Variants in SPIDR observed in about 807,000 individuals in gnomAD.
SPIDR encodes DNA repair-scaffolding protein.
Under a neutral mutation model 104.6 loss-of-function variants are expected in SPIDR, and 93 were observed. That is an observed-to-expected ratio of 0.89 (90% CI 0.75 to 1.06). The LOEUF is 1.06. Among genes scored for constraint, SPIDR ranks in the 50% least tolerant of loss-of-function variants. The probability of loss-of-function intolerance (pLI) is 0.00; values close to 1 mark genes in which losing one functional copy is unlikely to be tolerated. For missense variants in SPIDR, 1,154 were observed against 1,111.2 expected (o/e 1.04, Z -0.55); for synonymous variants, 431 against 416.9 (o/e 1.03, Z -0.41).
chr8:47,678,120 C>A (rs2076666901), intron 11 of SPIDR, among the ~76,000 whole-genome samples: 1 of 152,032 alleles, frequency 6.6e-6, no homozygotes, highest in African/African-American at 2.4e-5. Context: ...ATGCTCCCAG[C>A]TAGTTGCCAT....
chr8:47,483,727 G>A (rs1314629817), intron 8 of SPIDR, among the ~76,000 whole-genome samples: 2 of 152,178 alleles, frequency 1.3e-5, no homozygotes, highest in Non-Finnish European at 2.9e-5. Flanking sequence ...ATGGGGATCT[G>A]TGGCCCAGAG....
intron 8 of SPIDR, among the ~76,000 whole-genome samples, chr8:47,575,303 T>C (rs1044257640): frequency 1.3e-5 from 2 of 152,202 alleles, no homozygotes; most frequent in African/African-American, 4.8e-5. Context: ...AATTTATACA[T>C]TTCTGATTTA....
intron 11 of SPIDR, among the ~76,000 whole-genome samples, chr8:47,678,946 G>C (rs2076769523): frequency 6.6e-6 from 1 of 152,180 alleles, no homozygotes; most frequent in Non-Finnish European, 1.5e-5. Flanking sequence ...TTCCTTTGTA[G>C]CCCCCAGTGG....
intron 8 of SPIDR, among the ~76,000 whole-genome samples, chr8:47,586,321 CT>C (rs1156612586): frequency 5.3e-5 from 8 of 152,148 alleles, no homozygotes; most frequent in Admixed American, 5.2e-4. Flanking sequence ...AAGAAAAAAA[CT>C]GCCAAACTTT....
chr8:47,557,681 C>G (rs1265370485), intron 8 of SPIDR, among the ~76,000 whole-genome samples: 1 of 152,162 alleles, frequency 6.6e-6, no homozygotes, highest in Non-Finnish European at 1.5e-5. Flanking sequence ...CTCTTAAATA[C>G]TTAAATAATG....
At chr8:47,391,906 G>A (rs1262633143) in intron 5 of SPIDR, among the ~76,000 whole-genome samples, 2 of 149,596 alleles carry the variant, frequency 1.3e-5, no homozygotes, top group African/African-American at 2.5e-5. Flanking sequence ...TGAGGCAGGA[G>A]AACGGCGTGA....
intron 8 of SPIDR, among the ~76,000 whole-genome samples, chr8:47,488,729 A>C (rs1055234594): frequency 1.3e-5 from 2 of 152,228 alleles, no homozygotes; most frequent in African/African-American, 2.4e-5. Context: ...TCCAGCATAT[A>C]AACGGAACCA....
At chr8:47,462,188 T>C (rs1448894816) in intron 8 of SPIDR, among the ~76,000 whole-genome samples, 3 of 152,140 alleles carry the variant, frequency 2.0e-5, no homozygotes, top group African/African-American at 4.8e-5. Flanking sequence ...ATTTCTCTTC[T>C]GGATCTAGCC....
rs1289833480 is a variant in SPIDR, at chr8:47,599,309, T to C, written c.1544+113T>C. ...TTCTTAGCTGCATTCACCATATACGTGAGCTGTTTTTGTTTTTCCTTGCAT... is the reference window on the plus strand; with the variant it reads ...TTCTTAGCTGCATTCACCATATACGCGAGCTGTTTTTGTTTTTCCTTGCAT... On this transcript the variant is annotated intron_variant, in intron 10 of 19. Coordinates refer to ENST00000297423, the MANE Select transcript of SPIDR (RefSeq NM_001080394.4). 2.2e-6 allele frequency: 3 copies of C among 1,390,888 alleles called. No individual in the cohort carries two copies. The East Asian group carries it at 7.5e-5, about 35-fold the overall frequency. 86.2% of individuals were successfully genotyped at this position (1,390,888 alleles called of 1,614,324 possible).
chr8:47,261,011 T>C lies in SPIDR; in HGVS notation c.33+20T>C. On this transcript the variant is annotated intron_variant, in intron 1 of 19. Transcript: ENST00000297423. ...TCTAAGGTAGGCTCTGGGGCGGGAG[T>C]GGGCGCCGCGCCGTTTCCCGCGTTG... is the stretch of plus-strand genomic sequence containing the variant. The C allele has an allele frequency of 1.6e-6, 2 of 1,227,010 alleles. No homozygotes were observed. Among genetic ancestry groups the C allele is most frequent in the Middle Eastern group, 3.1e-4 (1 of 3,210 alleles). 76.0% of individuals were successfully genotyped at this position (1,227,010 alleles called of 1,614,324 possible).
chr8:47,359,252 CAAAAAA>C, intron 5 of SPIDR, among the ~76,000 whole-genome samples: 1 of 114,960 alleles, frequency 8.7e-6, no homozygotes, highest in East Asian at 2.3e-4. Flanking sequence ...GACTCCGTCT[CAAAAAA>C]AAAAAAAAAA....
At chr8:47,273,247 T>C (rs1684921477) in intron 1 of SPIDR, among the ~76,000 whole-genome samples, 2 of 152,204 alleles carry the variant, frequency 1.3e-5, no homozygotes, top group South Asian at 4.1e-4. Flanking sequence ...AAATAGGGAT[T>C]CCCAAACCTT....
chr8:47,520,418 A>G (rs2083884809), intron 8 of SPIDR, among the ~76,000 whole-genome samples: 1 of 152,264 alleles, frequency 6.6e-6, no homozygotes, highest in Admixed American at 6.5e-5. Context: ...TTATGCTTGT[A>G]TCAAGCAAGC....
chr8:47,402,178 G>A (rs1195480206), intron 6 of SPIDR, among the ~76,000 whole-genome samples: 2 of 151,162 alleles, frequency 1.3e-5, no homozygotes, highest in Non-Finnish European at 3.0e-5. Context: ...GTCCCACTAC[G>A]AGAATCTCTG....
At chr8:47,600,114 A>G (rs1280117559) in intron 10 of SPIDR, among the ~76,000 whole-genome samples, 1 of 152,256 alleles carries the variant, frequency 6.6e-6, no homozygotes, top group Non-Finnish European at 1.5e-5. Context: ...AAGAAGTAAC[A>G]TGGATTTCCA....
chr8:47,715,567 G>A lies in SPIDR; in HGVS notation c.2341+1926G>A, dbSNP rs576268998. ...GCCATTAAAAGTAATGGAAAGAGCC[G>A]TGATTACTTTTGCACAAACCTAACA... is the stretch of plus-strand genomic sequence containing the variant. On this transcript the variant is annotated intron_variant, in intron 16 of 19. Transcript: ENST00000297423. Among the ~76,000 whole-genome samples, 19 of 152,308 alleles carry A rather than the reference G, an allele frequency of 1.2e-4. No homozygotes were observed. In the South Asian group the frequency reaches 3.1e-3, roughly 25 times the overall value.
intron 7 of SPIDR, among the ~76,000 whole-genome samples, chr8:47,415,405 A>G (rs1187157541): frequency 6.6e-6 from 1 of 152,080 alleles, no homozygotes; most frequent in East Asian, 1.9e-4. Context: ...CCAATTTTAC[A>G]TGCATTTATT....
At chr8:47,717,181 C>T (rs1309021794) in intron 16 of SPIDR, among the ~76,000 whole-genome samples, 2 of 152,132 alleles carry the variant, frequency 1.3e-5, no homozygotes, top group African/African-American at 4.8e-5. Flanking sequence ...AGTGACCCAT[C>T]GCTCGCTTCC....
Position 47,702,079 on chromosome 8 carries a change from TCTCTCTCTCTCTCTCTCTTACACA to T in SPIDR, c.1977+66_1977+89del, listed in dbSNP as rs1162715822. On this transcript the variant is annotated intron_variant, in intron 14 of 19. Transcript: ENST00000297423. ...CTCTCTCTCTCTCTCTCTCTCTCTCTCTCTCTCTCTCTCTCTCTTACACACACACACACACACACACACACACAC... is the reference window on the plus strand; with the variant it reads ...CTCTCTCTCTCTCTCTCTCTCTCTCTCACACACACACACACACACACACAC... 1.3e-3 allele frequency: 652 copies of T among 501,524 alleles called. 6 individuals carry two copies. The highest frequency in any genetic ancestry group is 1.7e-3 in the Non-Finnish European group (539 of 317,786). The allele number at this position is 501,524 out of a possible 1,614,324, so 31.1% of individuals were successfully genotyped here.
Sources: allele counts gnomAD v4.1 joint callset (sites outside exome capture counted in the v4.1 genomes callset), GRCh38; gene constraint gnomAD v4.1.1; transcripts MANE v1.5; gene names NCBI Gene and HGNC (gene_info 2026-07-23, HGNC 2026-07-21).